Variants in SLC18A1 observed in about 807,000 individuals in gnomAD.
SLC18A1 encodes solute carrier family 18 member A1.
A neutral mutation model predicts 53.7 loss-of-function variants in SLC18A1; 69 were observed. That is an observed-to-expected ratio of 1.28 (90% confidence interval 1.06 to 1.57). The LOEUF is 1.57. Ranked by LOEUF, SLC18A1 falls within the 40% of genes most tolerant of loss-of-function variation. The probability of loss-of-function intolerance (pLI) is 0.00; values close to 1 mark genes in which losing one functional copy is unlikely to be tolerated. For synonymous variants in SLC18A1, 320 were observed against 248.1 expected, an observed-to-expected ratio of 1.29 and a Z score of -2.72; for missense variants, 932 against 668.1, an observed-to-expected ratio of 1.40 and a Z score of -4.35.
At chr8:20,145,920 AT>A (rs35711001) in intron 15 of SLC18A1, 44 bp from the exon 16 acceptor site, 258,503 of 917,684 alleles carry the variant, frequency 0.28, 11,976 homozygotes, top group African/African-American at 0.31. Context: ...CATTATTATC[AT>A]TTTTTTTTTT....
chr8:20,152,117 C>A (rs1308644416), intron 10 of SLC18A1, among the ~76,000 whole-genome samples: 1 of 152,038 alleles, frequency 6.6e-6, no homozygotes, highest in Non-Finnish European at 1.5e-5. Context: ...CAAAAGAGAG[C>A]ACTTCAAGCA....
At chr8:20,149,581 TCTCTCTCC>T (rs1234777756) in intron 12 of SLC18A1, 87 bp downstream of exon 12, 9 of 1,001,076 alleles carry the variant, frequency 9.0e-6, no homozygotes, top group South Asian at 2.9e-5. Flanking sequence ...TTTCTCTCTC[TCTCTCTCC>T]CTCTCTCTCT....
intron 8 of SLC18A1, 101 bp from the exon 9 acceptor site, chr8:20,165,208 C>CTGCAGTAAAGGAGA: frequency 2.0e-6 from 2 of 1,021,706 alleles, no homozygotes; most frequent in Non-Finnish European, 3.0e-6. Context: ...TAGAGACCAT[C>CTGCAGTAAAGGAGA]TACAGTATCT....
chr8:20,181,073 G>T lies in SLC18A1; in HGVS notation c.-109C>A. The T allele has an allele frequency of 5.1e-6, 7 of 1,363,908 alleles. No homozygotes were observed. Among genetic ancestry groups the T allele is most frequent in the South Asian group, 1.5e-5 (1 of 68,302 alleles). 84.5% of individuals were successfully genotyped at this position (1,363,908 alleles called of 1,614,324 possible). A position where few individuals can be genotyped will look rare whatever the true frequency, so the allele number is the denominator to read the frequency against. On this transcript the variant is annotated 5_prime_UTR_variant, in exon 2 of 16. In the 5' UTR this introduces an upstream ATG that the reference lacks. Transcript: ENST00000276373. ...TGGAAGAGGGGAGGGAGTCTGCCCA[G>T]ACGAAGGAAACTCACTATTAAAACG...
At chr8:20,181,831 G>A (rs2072436622) in intron 1 of SLC18A1, 1 of 152,088 alleles carries the variant, frequency 6.6e-6, no homozygotes, top group African/African-American at 2.4e-5. Context: ...AAACTGGGAT[G>A]AAATCCCACG....
At chr8:20,160,855 G>C (rs184670859) in intron 10 of SLC18A1, among the ~76,000 whole-genome samples, 1 of 152,190 alleles carries the variant, frequency 6.6e-6, no homozygotes, top group East Asian at 1.9e-4. Context: ...TACAGCCGAA[G>C]GGTATCACAT....
intron 10 of SLC18A1, among the ~76,000 whole-genome samples, chr8:20,159,277 C>G (rs937948970): frequency 7.2e-5 from 11 of 152,096 alleles, no homozygotes; most frequent in Admixed American, 1.3e-4. Context: ...CCCAACAGCA[C>G]TTGGGTTTTC....
intron 12 of SLC18A1, among the ~76,000 whole-genome samples, chr8:20,149,068 T>C (rs2071478500): frequency 6.6e-6 from 1 of 152,166 alleles, no homozygotes; most frequent in African/African-American, 2.4e-5. Context: ...CAGTTTACAG[T>C]GCCTTGTAGC....
At chr8:20,178,711 A>G (rs527619659) in intron 3 of SLC18A1, among the ~76,000 whole-genome samples, 1 of 152,320 alleles carries the variant, frequency 6.6e-6, no homozygotes, top group Admixed American at 6.5e-5. Context: ...CAAAATTCTC[A>G]TTTCCAGAAA....
At chr8:20,178,645 A>C in intron 3 of SLC18A1, 152 bp from the exon 4 acceptor site, 1 of 643,048 alleles carries the variant, frequency 1.6e-6, no homozygotes, top group Non-Finnish European at 2.7e-6. Context: ...GAAATAGGGC[A>C]TGTGGATGAG....
intron 10 of SLC18A1, among the ~76,000 whole-genome samples, chr8:20,161,333 A>G (rs539061023): frequency 6.6e-6 from 1 of 152,326 alleles, no homozygotes; most frequent in East Asian, 1.9e-4. Flanking sequence ...AACTAATCGC[A>G]GATCAAAAAT....
At chr8:20,150,871 T>G in intron 10 of SLC18A1, 127 bp from the exon 11 acceptor site, 1 of 805,280 alleles carries the variant, frequency 1.2e-6, no homozygotes, top group Non-Finnish European at 2.1e-6. Context: ...TGTTTTATGA[T>G]CTGGGGACCT....
chr8:20,180,240 G>A (rs1282905814), intron 2 of SLC18A1, among the ~76,000 whole-genome samples: 1 of 151,942 alleles, frequency 6.6e-6, no homozygotes, highest in African/African-American at 2.4e-5. Context: ...AATGAGAAGT[G>A]ATTGTATTGG....
chr8:20,162,174 G>C (rs943771926), intron 10 of SLC18A1, among the ~76,000 whole-genome samples: 37 of 152,190 alleles, frequency 2.4e-4, no homozygotes, highest in African/African-American at 8.9e-4. Context: ...GTCCTGGGCA[G>C]TGAGCCCATG....
chr8:20,170,450 C>T (rs1269616856), intron 8 of SLC18A1, among the ~76,000 whole-genome samples: 1 of 152,126 alleles, frequency 6.6e-6, no homozygotes, highest in African/African-American at 2.4e-5. Flanking sequence ...CCTTGACAAG[C>T]TGTGGAATGC....
At chr8:20,148,407 C>G in intron 12 of SLC18A1, 3 of 1,256,520 alleles carry the variant, frequency 2.4e-6, no homozygotes, top group East Asian at 5.1e-5. Context: ...TCCTCTACCC[C>G]TCTTCACCTA....
chr8:20,145,775 G>A lies in SLC18A1; in HGVS notation c.1566C>T (p.Asp522=), dbSNP rs1337400101. Residue 522 remains aspartate (D), a synonymous_variant, in exon 16 of 16, where the codon GAC becomes GAT. Coordinates refer to ENST00000276373, the MANE Select transcript of SLC18A1 (RefSeq NM_003053.4). ...PLGEDSDEEP[D]HEE ...GCACCTTCTGCTGCTACTCCTCATG[G>A]TCAGGCTCCTCATCACTGTCCTCCC... 1 of 1,606,808 alleles carries A rather than the reference G, an allele frequency of 6.2e-7. No homozygotes were observed.
chr8:20,150,833 G>A (rs2071534676), intron 10 of SLC18A1, 89 bp from the exon 11 acceptor site: 1 of 1,190,140 alleles, frequency 8.4e-7, no homozygotes, highest in African/African-American at 1.5e-5. Flanking sequence ...GTCCACCCCT[G>A]TAACCTTCCA....
chr8:20,169,724 T>C (rs953277928), intron 8 of SLC18A1, among the ~76,000 whole-genome samples: 47 of 151,906 alleles, frequency 3.1e-4, no homozygotes, highest in African/African-American at 1.1e-3. Flanking sequence ...ACTAAAAACA[T>C]AAAAATTAGC....
Sources: gnomAD v4.1 joint callset for allele counts (sites outside exome capture counted in the v4.1 genomes callset) on GRCh38, gnomAD v4.1.1 for gene constraint, MANE v1.5 for transcripts, NCBI Gene and HGNC (gene_info 2026-07-23, HGNC 2026-07-21) for gene names.